The following PCDH15 variants were observed in gnomAD, a reference collection of about 807,000 sequenced individuals.
PCDH15 encodes the protein protocadherin-15.
In PCDH15, 129 loss-of-function variants were observed where a neutral mutation model predicts 178.5. That is an observed-to-expected ratio of 0.72 (90% CI 0.63 to 0.84). The LOEUF (loss-of-function observed/expected upper bound fraction) is 0.84. Ranked by LOEUF, PCDH15 falls within the 40% of genes least tolerant of loss-of-function variation. The probability of loss-of-function intolerance (pLI) is 0.00; values close to 1 mark genes in which losing one functional copy is unlikely to be tolerated. For synonymous variants in PCDH15, 800 were observed against 732.0 expected (o/e 1.09, Z -1.50); for missense variants, 2,230 against 2,099.9 (o/e 1.06, Z -1.21).
chr10:55,297,714 G>C (rs939530368), intron 1 of PCDH15, among the ~76,000 whole-genome samples: 6 of 152,054 alleles, frequency 3.9e-5, no homozygotes, highest in Non-Finnish European at 8.8e-5. Context: ...TAAGGTGTTT[G>C]CCTAAATGAA....
chr10:54,375,766 C>CAT (rs373857140), intron 4 of PCDH15, among the ~76,000 whole-genome samples: 4,079 of 110,710 alleles, frequency 0.037, 257 homozygotes, highest in African/African-American at 0.13. Flanking sequence ...ATATTCAGAG[C>CAT]ATATATATAT....
chr10:55,538,424 CCCTT>C (rs758528764), intron 2 of PCDH15, among the ~76,000 whole-genome samples: 5,697 of 114,906 alleles, frequency 0.05, 297 homozygotes, highest in East Asian at 0.34. Flanking sequence ...CTCCCTCCCT[CCCTT>C]CCTTCCTTCC....
At chr10:55,433,444 A>G (rs1341937911) in intron 2 of PCDH15, among the ~76,000 whole-genome samples, 1 of 152,170 alleles carries the variant, frequency 6.6e-6, no homozygotes, top group African/African-American at 2.4e-5. Flanking sequence ...GAGGAGGGAG[A>G]GCATCAAAAA....
intron 8 of PCDH15, among the ~76,000 whole-genome samples, chr10:54,244,756 C>T (rs777509387): frequency 6.6e-6 from 1 of 152,302 alleles, no homozygotes; most frequent in East Asian, 1.9e-4. Flanking sequence ...ATTCACCTCC[C>T]CTTCATTCCC....
intron 2 of PCDH15, among the ~76,000 whole-genome samples, chr10:55,427,662 A>G (rs1838789552): frequency 6.6e-6 from 1 of 152,180 alleles, no homozygotes; most frequent in East Asian, 1.9e-4. Context: ...GGGTTCATAT[A>G]CTTGATTTAA....
intron 3 of PCDH15, among the ~76,000 whole-genome samples, chr10:54,524,231 G>A (rs751677783): frequency 1.1e-4 from 16 of 152,290 alleles, no homozygotes; most frequent in Non-Finnish European, 1.9e-4. Flanking sequence ...CAAATTTACT[G>A]AGAGTGTACA....
intron 2 of PCDH15, among the ~76,000 whole-genome samples, chr10:54,617,896 C>T (rs1390070984): frequency 6.8e-6 from 1 of 147,594 alleles, no homozygotes; most frequent in African/African-American, 2.5e-5. Flanking sequence ...GCAGTCCATC[C>T]TGGGAGACAG....
chr10:54,964,597 C>T (rs1282148063), intron 2 of PCDH15, among the ~76,000 whole-genome samples: 2 of 152,146 alleles, frequency 1.3e-5, no homozygotes, highest in Admixed American at 6.5e-5. Context: ...ATGAAGACAA[C>T]CTGTTCCCTT....
chr10:55,464,155 T>C lies in PCDH15; in HGVS notation c.-156+163470A>G, dbSNP rs537037634. 9.2e-5 allele frequency among the ~76,000 whole-genome samples: 14 copies of C among 152,266 alleles called. No homozygotes were observed. In the East Asian group the frequency reaches 2.7e-3, roughly 29 times the overall value. ...GGGAGTCGGATCAACCAATGTTGTT[T>C]TGTTTAATCATCATTGTTGCAATAT... On this transcript the variant is annotated intron_variant, in intron 2 of 5. Transcript: ENST00000613346.
At chr10:55,515,045 A>T (rs1840980209) in intron 2 of PCDH15, among the ~76,000 whole-genome samples, 1 of 141,536 alleles carries the variant, frequency 7.1e-6, no homozygotes, top group Non-Finnish European at 1.5e-5. Context: ...GCTGGAGTGC[A>T]GTGGTGCGAT....
At chr10:55,380,899 GAC>G (rs1444868137) in intron 2 of PCDH15, among the ~76,000 whole-genome samples, 1 of 152,132 alleles carries the variant, frequency 6.6e-6, no homozygotes, top group Non-Finnish European at 1.5e-5. Context: ...GAGATACAGA[GAC>G]ACAGATATTT....
chr10:54,377,030 A>C (rs572877152), intron 4 of PCDH15, among the ~76,000 whole-genome samples: 1 of 152,126 alleles, frequency 6.6e-6, no homozygotes, highest in Non-Finnish European at 1.5e-5. Context: ...ATAATTATAT[A>C]AATATACATT....
intron 2 of PCDH15, among the ~76,000 whole-genome samples, chr10:55,422,922 AAAT>A (rs1033008029): frequency 1.3e-5 from 2 of 151,956 alleles, no homozygotes; most frequent in Non-Finnish European, 2.9e-5. Context: ...AACAAAGGGA[AAAT>A]AATAACATAT....
chr10:55,336,381 C>T (rs7913519), intron 2 of PCDH15, among the ~76,000 whole-genome samples: 80,892 of 151,728 alleles, frequency 0.53, 21,913 homozygotes, highest in African/African-American at 0.59. Context: ...ACCTGTAGTC[C>T]CAACTACTCA....
intron 3 of PCDH15, among the ~76,000 whole-genome samples, chr10:54,522,220 G>A (rs1220979145): frequency 2.7e-5 from 4 of 149,662 alleles, no homozygotes; most frequent in African/African-American, 9.8e-5. Context: ...ATTATTCTTT[G>A]TAAATTATAT....
chr10:54,852,158 T>C (rs957981725), intron 3 of PCDH15, among the ~76,000 whole-genome samples: 2 of 152,312 alleles, frequency 1.3e-5, no homozygotes, highest in South Asian at 2.1e-4. Flanking sequence ...CAAAGAGAAA[T>C]GATCACAAAA....
chr10:54,943,948 A>G (rs569831285), intron 2 of PCDH15, among the ~76,000 whole-genome samples: 97 of 152,066 alleles, frequency 6.4e-4, no homozygotes, highest in Non-Finnish European at 9.9e-4. Context: ...TCTATCCCAC[A>G]GCAAGAAATA....
chr10:55,158,078 G>GTGTGTGTGTGTATA (rs1335196401), intron 2 of PCDH15, among the ~76,000 whole-genome samples: 27 of 117,174 alleles, frequency 2.3e-4, no homozygotes, highest in African/African-American at 9.3e-4. Flanking sequence ...GTATGTGTGT[G>GTGTGTGTGTGTATA]TATATATATA....
chr10:54,616,073 T>C (rs1439000384), intron 2 of PCDH15, among the ~76,000 whole-genome samples: 1 of 152,086 alleles, frequency 6.6e-6, no homozygotes, highest in African/African-American at 2.4e-5. Flanking sequence ...AATTTTGATA[T>C]TTTAATGTGC....
Sources: gnomAD v4.1 joint callset for allele counts (sites outside exome capture counted in the v4.1 genomes callset) on GRCh38, gnomAD v4.1.1 for gene constraint, MANE v1.5 for transcripts, NCBI Gene and HGNC (gene_info 2026-07-23, HGNC 2026-07-21) for gene names.